Variants in IFNLR1 observed in about 807,000 individuals in gnomAD.
IFNLR1 encodes the protein interferon lambda receptor 1, also known as CRF2-12.
Under a neutral mutation model 52.5 loss-of-function variants are expected in IFNLR1, and 28 were observed. That is an observed-to-expected ratio of 0.53 (90% CI 0.40 to 0.73). The LOEUF (loss-of-function observed/expected upper bound fraction) is 0.73, where lower values mean the gene tolerates loss of function less well. IFNLR1 is among the 30% of genes least tolerant of loss of function. The pLI, the probability that IFNLR1 is intolerant of heterozygous loss-of-function variation, is 0.00. For missense variants in IFNLR1, 623 were observed against 659.1 expected (o/e 0.95, Z 0.60); for synonymous variants, 276 against 274.9 (o/e 1.00, Z -0.04).
At chr1:24,174,278 T>G (rs753016675) in intron 2 of IFNLR1, among the ~76,000 whole-genome samples, 1 of 152,126 alleles carries the variant, frequency 6.6e-6, no homozygotes, top group Non-Finnish European at 1.5e-5. Flanking sequence ...AAAATAAAAT[T>G]CTGTTGTTTA....
intron 3 of IFNLR1, among the ~76,000 whole-genome samples, chr1:24,167,910 G>A (rs1644536187): frequency 6.6e-6 from 1 of 150,578 alleles, no homozygotes; most frequent in African/African-American, 2.5e-5. Flanking sequence ...TGTTAGCCAG[G>A]ATGGTCTTGA....
chr1:24,164,649 T>C (rs754716375), intron 3 of IFNLR1, among the ~76,000 whole-genome samples: 4 of 152,182 alleles, frequency 2.6e-5, no homozygotes, highest in Non-Finnish European at 5.9e-5. Flanking sequence ...AATCTTAATC[T>C]CTTCAAAGAG....
chr1:24,187,098 C>A, intron 1 of IFNLR1, 93 bp downstream of exon 1: 1 of 816,952 alleles, frequency 1.2e-6, no homozygotes, highest in Non-Finnish European at 1.7e-6. Context: ...CTGCGGACCC[C>A]GTGCCTGTCC....
At chr1:24,164,799 C>T (rs933518156) in intron 3 of IFNLR1, among the ~76,000 whole-genome samples, 7 of 149,698 alleles carry the variant, frequency 4.7e-5, no homozygotes, top group Non-Finnish European at 1.0e-4. Context: ...TGCTCTGTCA[C>T]CCACCCAGGC....
chr1:24,171,797 C>T (rs1240463713), intron 2 of IFNLR1, among the ~76,000 whole-genome samples: 3 of 152,152 alleles, frequency 2.0e-5, no homozygotes, highest in African/African-American at 7.2e-5. Flanking sequence ...GCTGGGATTA[C>T]AGGCACCTAT....
intron 2 of IFNLR1, 50 bp downstream of exon 2, chr1:24,180,681 C>CCCCCCCCCCCCCCGTATT: frequency 8.3e-7 from 1 of 1,201,982 alleles, no homozygotes; most frequent in African/African-American, 1.5e-5. Context: ...CTCCAGCCCC[C>CCCCCCCCCCCCCCGTATT]ACCCACCCCC....
At chr1:24,168,325 C>A (rs1644539867) in intron 3 of IFNLR1, among the ~76,000 whole-genome samples, 1 of 152,100 alleles carries the variant, frequency 6.6e-6, no homozygotes, top group Admixed American at 6.6e-5. Flanking sequence ...TCTCTTAAAG[C>A]CTTATTTTGT....
intron 2 of IFNLR1, among the ~76,000 whole-genome samples, chr1:24,172,087 G>A (rs933755150): frequency 2.0e-5 from 3 of 151,626 alleles, no homozygotes; most frequent in Non-Finnish European, 4.4e-5. Context: ...TTACAGATGT[G>A]AGTCACCACA....
In IFNLR1 at chr1:24,159,532, G is replaced by C. The variant is rs749454123; in HGVS notation, c.612C>G (p.Phe204Leu). ...AGAACTTGCTGTATTTCGGGACACTGAACGTGTAGATGGTTCTGGCACTGA... is the reference window on the plus strand; with the variant it reads ...AGAACTTGCTGTATTTCGGGACACTCAACGTGTAGATGGTTCTGGCACTGA... ...HCLSARTIYT[F>L]SVPKYSKFSK... The change falls in exon 5 of 7, where the codon TTC (phenylalanine) becomes TTG (leucine). Residue 204 changes from phenylalanine to leucine, a missense_variant. Phe to Leu is a conservative substitution (Grantham distance 22, BLOSUM62 0). Coordinates refer to ENST00000327535, the MANE Select transcript of IFNLR1 (RefSeq NM_170743.4). 15 of 1,613,982 alleles carry C rather than the reference G, an allele frequency of 9.3e-6. No homozygotes were observed. The highest frequency in any genetic ancestry group is 1.3e-5 in the Non-Finnish European group (15 of 1,179,992).
chr1:24,184,968 G>A (rs971556075), intron 1 of IFNLR1, among the ~76,000 whole-genome samples: 1 of 152,064 alleles, frequency 6.6e-6, no homozygotes, highest in Non-Finnish European at 1.5e-5. Context: ...GCAGTGAGCC[G>A]AGATTGCGCC....
At chr1:24,180,682 A>ACCCCCCCC in intron 2 of IFNLR1, 49 bp downstream of exon 2, 1 of 273,582 alleles carries the variant, frequency 3.7e-6, no homozygotes, top group Admixed American at 4.9e-5. Flanking sequence ...TCCAGCCCCC[A>ACCCCCCCC]CCCACCCCCT....
chr1:24,166,086 A>G (rs1644516270), intron 3 of IFNLR1, among the ~76,000 whole-genome samples: 1 of 152,072 alleles, frequency 6.6e-6, no homozygotes, highest in South Asian at 2.1e-4. Flanking sequence ...CTAATGTCTT[A>G]TTCCTACCCA....
At chr1:24,185,733 G>A (rs1284722134) in intron 1 of IFNLR1, among the ~76,000 whole-genome samples, 1 of 152,188 alleles carries the variant, frequency 6.6e-6, no homozygotes, top group East Asian at 1.9e-4. Context: ...CCTATGGGCA[G>A]GACAGTCCCC....
At chr1:24,160,385 C>T (rs1644429551) in intron 4 of IFNLR1, among the ~76,000 whole-genome samples, 1 of 152,236 alleles carries the variant, frequency 6.6e-6, no homozygotes, top group Non-Finnish European at 1.5e-5. Flanking sequence ...TAAAAGATCT[C>T]AATCACTATC....
intron 2 of IFNLR1, among the ~76,000 whole-genome samples, chr1:24,178,649 C>T (rs1373113409): frequency 2.6e-5 from 4 of 152,104 alleles, no homozygotes; most frequent in Non-Finnish European, 5.9e-5. Flanking sequence ...TCGCAATAGA[C>T]TGAAACCACC....
At chr1:24,172,424 A>G (rs1025019249) in intron 2 of IFNLR1, among the ~76,000 whole-genome samples, 3 of 152,136 alleles carry the variant, frequency 2.0e-5, no homozygotes, top group African/African-American at 4.8e-5. Flanking sequence ...AAAAAACCAC[A>G]TAAAACCTAA....
At chr1:24,185,339 T>C (rs1168140396) in intron 1 of IFNLR1, among the ~76,000 whole-genome samples, 1 of 152,192 alleles carries the variant, frequency 6.6e-6, no homozygotes, top group Non-Finnish European at 1.5e-5. Flanking sequence ...TATTGACCAC[T>C]ACGAGTCAAA....
chr1:24,159,074 C>A lies in IFNLR1; in HGVS notation c.779G>T (p.Arg260Leu), dbSNP rs140780438. ...KTLMGNPWFQ[R>L]AKMPRALDFS... Reference sequence around the variant, plus strand: ...TACCAGGGCCCGTGGCATCTTTGCCCGCTGAAACCAGGGGTTCCCCATGAG... The same window carrying A: ...TACCAGGGCCCGTGGCATCTTTGCCAGCTGAAACCAGGGGTTCCCCATGAG... Residue 260 changes from arginine to leucine, a missense_variant, in exon 6 of 7, where the codon CGG (arginine) becomes CTG (leucine). By Grantham distance (102) the Arg-to-Leu change is moderately radical. Coordinates refer to ENST00000327535, the MANE Select transcript of IFNLR1 (RefSeq NM_170743.4). 1.2e-6 allele frequency: 2 copies of A among 1,614,148 alleles called. No homozygotes were observed. Among genetic ancestry groups the A allele is most frequent in the South Asian group, 2.2e-5 (2 of 91,078 alleles).
In IFNLR1 at chr1:24,156,848, C is replaced by G. The variant is rs1318949994; in HGVS notation, c.*282G>C. The G allele has an allele frequency of 1.0e-5, 5 of 486,344 alleles. No homozygotes were observed. The highest frequency in any genetic ancestry group is 1.8e-5 in the Non-Finnish European group (5 of 274,322). 30.1% of individuals were successfully genotyped at this position (486,344 alleles called of 1,614,324 possible). A position where few individuals can be genotyped will look rare whatever the true frequency, so the allele number is the denominator to read the frequency against. ...GATAATTTTTCCCCCTGGCCTGTCA[C>G]CCTAGGGACAATGGGGGTGATGACA... On this transcript the variant is annotated 3_prime_UTR_variant, in exon 7 of 7. Coordinates refer to ENST00000327535, the MANE Select transcript of IFNLR1 (RefSeq NM_170743.4).
Sources: allele counts gnomAD v4.1 joint callset (sites outside exome capture counted in the v4.1 genomes callset), GRCh38; gene constraint gnomAD v4.1.1; transcripts MANE v1.5; gene names NCBI Gene and HGNC (gene_info 2026-07-23, HGNC 2026-07-21).